The following SLC39A12 variants were observed in gnomAD, a reference collection of about 807,000 sequenced individuals.
SLC39A12 encodes the protein zinc transporter ZIP12.
A neutral mutation model predicts 71.1 loss-of-function variants in SLC39A12; 63 were observed. The ratio of observed to expected loss-of-function variants is 0.89; its 90% CI spans 0.72 to 1.09. The LOEUF is 1.09. Ranked by LOEUF, SLC39A12 falls within the 50% of genes least tolerant of loss-of-function variation. SLC39A12 has a pLI of 0.00. For missense variants in SLC39A12, 892 were observed against 812.6 expected (o/e 1.10, Z -1.19); for synonymous variants, 351 against 301.3 (o/e 1.16, Z -1.71).
At chr10:17,968,022 C>G (rs944322426) in intron 4 of SLC39A12, among the ~76,000 whole-genome samples, 11 of 151,352 alleles carry the variant, frequency 7.3e-5, no homozygotes, top group South Asian at 2.1e-4. Flanking sequence ...ATGAGGTCCT[C>G]TTTCATCTAT....
Position 17,997,686 on chromosome 10 carries a change from C to T in SLC39A12, c.1600+1964C>T, listed in dbSNP as rs564594343. Among the ~76,000 whole-genome samples the T allele has an allele frequency of 2.0e-5, 3 of 152,336 alleles. No individual in the cohort carries two copies. In the East Asian group the frequency reaches 5.8e-4, roughly 29 times the overall value. On this transcript the variant is annotated intron_variant, in intron 10 of 12. Transcript: ENST00000377369. ...AACATATCCATATTACATTACTCAA[C>T]TGCCCCTTTGCCAGGGACATACTGA...
rs1837293350 is a variant in SLC39A12, at chr10:18,042,734, A to G, written c.1977A>G (p.Gln659=). ...MLPEMTHVQT[Q]RPWMMFLLQN... is the part of the protein sequence containing the mutation. ...CTGAAATGACTCATGTTCAAACACA[A>G]CGACCCTGGATGATGTTTCTCCTGC... The change falls in exon 13 of 13, where the codon CAA becomes CAG. Residue 659 remains glutamine, a synonymous_variant. Transcript: ENST00000377369. 1.9e-6 allele frequency: 3 copies of G among 1,612,132 alleles called. No homozygotes were observed. The African/African-American group carries it at 4.0e-5, about 22-fold the overall frequency.
chr10:17,978,012 T>A lies in SLC39A12; in HGVS notation c.862T>A (p.Tyr288Asn). The A allele has an allele frequency of 6.2e-7, 1 of 1,606,582 alleles. No individual in the cohort carries two copies. Among genetic ancestry groups the A allele is most frequent in the Non-Finnish European group, 8.5e-7 (1 of 1,177,250 alleles). Residue 288 changes from tyrosine to asparagine, a missense_variant, in exon 5 of 13, where the codon TAT (tyrosine) becomes AAT (asparagine). Tyr to Asn is a moderately radical substitution (Grantham distance 143). Coordinates refer to ENST00000377369, the MANE Select transcript of SLC39A12 (RefSeq NM_001145195.2). ...QNNIITHDQD[Y>N]SNFSSSMEKE... is the part of the protein sequence containing the mutation. ...CAACATAATAACCCATGATCAGGAC[T>A]ATTCTAATTTCTCTTCATCCATGGA...
At chr10:18,034,680 T>C (rs2130898046) in intron 12 of SLC39A12, among the ~76,000 whole-genome samples, 1 of 152,020 alleles carries the variant, frequency 6.6e-6, no homozygotes, top group East Asian at 1.9e-4. Context: ...GTGAATTTGA[T>C]CCTGTCATTA....
At chr10:18,005,741 A>G (rs375197778) in intron 12 of SLC39A12, 2 of 152,218 alleles carry the variant, frequency 1.3e-5, no homozygotes, top group Non-Finnish European at 2.9e-5. Flanking sequence ...GCAATTGCTT[A>G]GAAGAAAGCA....
intron 4 of SLC39A12, among the ~76,000 whole-genome samples, chr10:17,971,281 C>T (rs1262103286): frequency 4.9e-5 from 6 of 122,348 alleles, no homozygotes; most frequent in African/African-American, 1.8e-4. Context: ...CCTCCCCTCC[C>T]CTCCCCTCCC....
At chr10:17,974,391 G>A (rs1475987973) in intron 4 of SLC39A12, among the ~76,000 whole-genome samples, 1 of 152,174 alleles carries the variant, frequency 6.6e-6, no homozygotes, top group Non-Finnish European at 1.5e-5. Flanking sequence ...GGGCTTGTTT[G>A]TACTCACTGT....
intron 2 of SLC39A12, among the ~76,000 whole-genome samples, chr10:17,959,917 C>A (rs945890533): frequency 1.3e-5 from 2 of 151,846 alleles, no homozygotes; most frequent in Non-Finnish European, 2.9e-5. Flanking sequence ...GGCTTGTGAA[C>A]GAAATGGACA....
At chr10:17,977,817 A>T (rs1835147902) in intron 4 of SLC39A12, 85 bp from the exon 5 acceptor site, 1 of 977,482 alleles carries the variant, frequency 1.0e-6, no homozygotes, top group African/African-American at 1.7e-5. Context: ...TTGTAAGGGA[A>T]TATCTATGCT....
At chr10:18,025,413 G>A (rs1157674310) in intron 12 of SLC39A12, among the ~76,000 whole-genome samples, 1 of 151,868 alleles carries the variant, frequency 6.6e-6, no homozygotes, top group Non-Finnish European at 1.5e-5. Flanking sequence ...GCCCCGGTGT[G>A]TGATGTTCCC....
In SLC39A12 at chr10:18,042,463, G is replaced by GAA. The variant is rs551298382; in HGVS notation, c.1948-223_1948-222dup. Among the ~76,000 whole-genome samples, 884 of 114,988 alleles carry GAA rather than the reference G, an allele frequency of 7.7e-3. 16 individuals are homozygous for GAA. The highest frequency in any genetic ancestry group is 0.022 in the African/African-American group (677 of 30,604). The allele number at this position is 114,988 out of a possible 152,430, so 75.4% of individuals were successfully genotyped here. A position where few individuals can be genotyped will look rare whatever the true frequency, so the allele number is the denominator to read the frequency against. ...ACAGGGCAAAGACCCTGCCTCAAAA[G>GAA]AAAAAAAAAAAAAAAAAAAAGACTT... On this transcript the variant is annotated intron_variant, in intron 12 of 12. Transcript: ENST00000377369.
chr10:17,970,874 T>C (rs11511149), intron 4 of SLC39A12, among the ~76,000 whole-genome samples: 11,005 of 152,204 alleles, frequency 0.072, 435 homozygotes, highest in South Asian at 0.1. Flanking sequence ...ATCCTTGTCA[T>C]GTTCCAGATC....
rs552981371 is a variant in SLC39A12 at position 18,002,840 on chromosome 10, CT to C, written c.1760-330del. On this transcript the variant is annotated intron_variant, in intron 11 of 12. Transcript: ENST00000377369. ...TTCCAGGCCCAAAGATTTAGAAACC[CT>C]GGGACAGTGAGTGACTATTTTCCAT... The C allele has an allele frequency of 4.6e-3, 847 of 184,948 alleles. 11 individuals are homozygous for C. The highest frequency in any genetic ancestry group is 0.018 in the African/African-American group (787 of 42,636). 11.5% of individuals were successfully genotyped at this position (184,948 alleles called of 1,614,324 possible). A position where few individuals can be genotyped will look rare whatever the true frequency, so the allele number is the denominator to read the frequency against.
At position 18,014,409 on chromosome 10, in the gene SLC39A12, A is replaced by C. The variant is rs540951192; in HGVS notation, c.1947+11051A>C. On this transcript the variant is annotated intron_variant, in intron 12 of 12. Transcript: ENST00000377369. ...AAATTATTATTTAACAGAAAGGTGT[A>C]TTCTACAAGCAGTATTTTTTAAAAT... is the stretch of plus-strand genomic sequence containing the variant. 5.9e-5 allele frequency among the ~76,000 whole-genome samples: 9 copies of C among 152,322 alleles called. No individual in the cohort carries two copies. In the South Asian group the frequency reaches 1.9e-3, roughly 32 times the overall value.
intron 12 of SLC39A12, among the ~76,000 whole-genome samples, chr10:18,005,057 C>T (rs1445266700): frequency 6.9e-6 from 1 of 144,262 alleles, no homozygotes. Flanking sequence ...GGGAACAACA[C>T]ACACTGGGGC....
chr10:17,988,901 C>G (rs1190714440), intron 7 of SLC39A12, among the ~76,000 whole-genome samples: 1 of 152,040 alleles, frequency 6.6e-6, no homozygotes, highest in Non-Finnish European at 1.5e-5. Context: ...TCTCTGGGTG[C>G]CTCATTATCC....
At chr10:17,975,632 G>T (rs1001246451) in intron 4 of SLC39A12, among the ~76,000 whole-genome samples, 3 of 152,140 alleles carry the variant, frequency 2.0e-5, no homozygotes, top group African/African-American at 4.8e-5. Context: ...TGCAGCCTGG[G>T]GTTAGGGAAG....
intron 5 of SLC39A12, among the ~76,000 whole-genome samples, chr10:17,978,385 A>G (rs1835169833): frequency 6.6e-6 from 1 of 152,204 alleles, no homozygotes; most frequent in Non-Finnish European, 1.5e-5. Flanking sequence ...CATCCTGGGC[A>G]TGAGAGATAC....
chr10:18,005,655 C>T (rs989538319), intron 12 of SLC39A12: 1 of 152,200 alleles, frequency 6.6e-6, no homozygotes, highest in Non-Finnish European at 1.5e-5. Context: ...TATCAAGAGC[C>T]ATTTGTCATG....
Sources: gnomAD v4.1 joint callset for allele counts (sites outside exome capture counted in the v4.1 genomes callset) on GRCh38, gnomAD v4.1.1 for gene constraint, MANE v1.5 for transcripts, NCBI Gene and HGNC (gene_info 2026-07-23, HGNC 2026-07-21) for gene names.